GSDME: variants seen among roughly 807,000 people sequenced by gnomAD.
GSDME encodes the protein gasdermin E, also known as gasdermin-E.
Under a neutral mutation model 47.5 loss-of-function variants are expected in GSDME, and 44 were observed. The observed-to-expected ratio is 0.93, with a 90% CI of 0.73 to 1.19. The LOEUF is 1.19. Ranked by LOEUF, GSDME falls within the 50% of genes most tolerant of loss-of-function variation. The pLI is 0.00. For missense variants in GSDME, 663 were observed against 604.2 expected (o/e 1.10, Z -1.02); for synonymous variants, 258 against 252.8 (o/e 1.02, Z -0.20).
chr7:24,760,708 CATACATTGAT>C (rs1185192747), upstream of GSDME, among the ~76,000 whole-genome samples: 1 of 152,166 alleles, frequency 6.6e-6, no homozygotes, highest in African/African-American at 2.4e-5. This position sits in a 1 kb window ranked among gnomAD's most constrained non-coding sequence, Gnocchi z 4.2. Flanking sequence ...TAAAATTTGG[CATACATTGAT>C]ATATATTTTA....
At chr7:24,700,970 G>A (rs993374204) in intron 9 of GSDME, among the ~76,000 whole-genome samples, 5 of 152,196 alleles carry the variant, frequency 3.3e-5, no homozygotes, top group Non-Finnish European at 7.3e-5. Flanking sequence ...GACCCAGAGG[G>A]TGGTGGAGTG....
intron 3 of GSDME, among the ~76,000 whole-genome samples, chr7:24,734,132 C>A (rs1342167834): frequency 6.6e-6 from 1 of 152,192 alleles, no homozygotes; most frequent in Non-Finnish European, 1.5e-5. Flanking sequence ...AGAGTCTCTG[C>A]CTGTGATCCA....
rs774619185 is a variant in GSDME at position 24,699,134 on chromosome 7, T to A, written c.1383A>T (p.Arg461Ser). 3.1e-6 allele frequency: 5 copies of A among 1,614,086 alleles called. No homozygotes were observed. The highest frequency in any genetic ancestry group is 4.2e-6 in the Non-Finnish European group (5 of 1,179,976). ...LFASADISLE[R>S]LKSSVKAVIL... is the part of the protein sequence containing the mutation. The stretch of plus-strand genomic sequence containing the variant: ...TGACAGCTTTCACAGATGACTTCAG[T>A]CTCTCCAGACTAATGTCAGCTGAGG... The change falls in exon 10 of 10, where the codon AGA (arginine) becomes AGT (serine). Residue 461 changes from arginine (R) to serine (S), a missense_variant. By Grantham distance (110) the Arg-to-Ser change is moderately radical. Coordinates refer to ENST00000645220, the MANE Select transcript of GSDME (RefSeq NM_001127453.2).
the GSDME span, among the ~76,000 whole-genome samples, chr7:24,794,351 C>T: frequency 6.6e-6 from 1 of 151,246 alleles, no homozygotes; most frequent in Non-Finnish European, 1.5e-5. Flanking sequence ...CTCTGCCAGC[C>T]GCTTATGCTG....
At chr7:24,702,701 C>T (rs760045152) in intron 9 of GSDME, 59 bp downstream of exon 9, 21 of 1,416,138 alleles carry the variant, frequency 1.5e-5, no homozygotes, top group Middle Eastern at 3.5e-4. Flanking sequence ...TGGATGTCTA[C>T]CCCCTCATCA....
At position 24,712,779 on chromosome 7, in the gene GSDME, G is replaced by A. The variant is rs1789404989; in HGVS notation, c.698-2391C>T. Among the ~76,000 whole-genome samples, 1 of 152,226 alleles carries A rather than the reference G, an allele frequency of 6.6e-6. No homozygotes were observed. The highest frequency in any genetic ancestry group is 6.5e-5 in the Admixed American group (1 of 15,286). On this transcript the variant is annotated intron_variant, in intron 5 of 9. Transcript: ENST00000645220. The surrounding 1 kb of genome is among the most constrained non-coding windows in gnomAD (Gnocchi z 4.4). Reference sequence around the variant, plus strand: ...CACACCTATAATCCTAACACTTTGGGAGGTCGAGGCGGGCGGATCACCTGA... The same window carrying A: ...CACACCTATAATCCTAACACTTTGGAAGGTCGAGGCGGGCGGATCACCTGA...
Position 24,742,265 on chromosome 7 carries a change from G to A in GSDME, c.404+2297C>T, listed in dbSNP as rs1487018443. Among the ~76,000 whole-genome samples, 1 of 152,202 alleles carries A rather than the reference G, an allele frequency of 6.6e-6. No homozygotes were observed. Among genetic ancestry groups the A allele is most frequent in the Non-Finnish European group, 1.5e-5 (1 of 68,038 alleles). On this transcript the variant is annotated intron_variant, in intron 3 of 9. Transcript: ENST00000645220. The surrounding 1 kb of genome is among the most constrained non-coding windows in gnomAD (Gnocchi z 4.4). Reference sequence around the variant, plus strand: ...TTACATGATTTAGAGGAAAGAACAGGAGCTTTGGAGCCAGAAAATCCTGAG... The same window carrying A: ...TTACATGATTTAGAGGAAAGAACAGAAGCTTTGGAGCCAGAAAATCCTGAG...
At chr7:24,789,197 G>C in the GSDME span, among the ~76,000 whole-genome samples, 1 of 152,150 alleles carries the variant, frequency 6.6e-6, no homozygotes, top group Admixed American at 6.5e-5. Flanking sequence ...TGGGAAATGA[G>C]TTAATTATTC....
chr7:24,752,321 G>C (rs1479418355), intron 1 of GSDME, among the ~76,000 whole-genome samples: 1 of 152,196 alleles, frequency 6.6e-6, no homozygotes, highest in Non-Finnish European at 1.5e-5. Context: ...ACAAAGCTGG[G>C]GAGGCCCCCA....
Position 24,705,991 on chromosome 7 carries a change from A to G in GSDME, c.1183+193T>C, listed in dbSNP as rs1299815378. 3 of 698,486 alleles carry G rather than the reference A, an allele frequency of 4.3e-6. No individual in the cohort carries two copies. The highest frequency in any genetic ancestry group is 5.0e-6 in the Non-Finnish European group (2 of 403,950). 43.3% of individuals were successfully genotyped at this position (698,486 alleles called of 1,614,324 possible). A position where few individuals can be genotyped will look rare whatever the true frequency, so the allele number is the denominator to read the frequency against. On this transcript the variant is annotated intron_variant, in intron 8 of 9. Transcript: ENST00000645220. The surrounding 1 kb of genome is among the most constrained non-coding windows in gnomAD (Gnocchi z 4.1). ...AGTAGGGAGGCTTGTGCTGGATGGAAAGGCACAGACTCGAGACCGAAGGGG... is the reference window on the plus strand; with the variant it reads ...AGTAGGGAGGCTTGTGCTGGATGGAGAGGCACAGACTCGAGACCGAAGGGG...
At chr7:24,729,250 T>G (rs1318745858) in intron 3 of GSDME, among the ~76,000 whole-genome samples, 2 of 152,262 alleles carry the variant, frequency 1.3e-5, no homozygotes, top group Non-Finnish European at 2.9e-5. Context: ...CCAAGCTCTG[T>G]GCATAGAAGT....
chr7:24,701,640 C>T (rs970908425), intron 9 of GSDME, among the ~76,000 whole-genome samples: 1 of 152,206 alleles, frequency 6.6e-6, no homozygotes, highest in African/African-American at 2.4e-5. Context: ...TTTTGCTCAT[C>T]ATTGCATACA....
rs1471717644 is a variant in GSDME, at chr7:24,714,533, TGCCTCCTAG to T, written c.697+2712_697+2720del. On this transcript the variant is annotated intron_variant, in intron 5 of 9. Coordinates refer to ENST00000645220, the MANE Select transcript of GSDME (RefSeq NM_001127453.2). The surrounding 1 kb of genome is among the most constrained non-coding windows in gnomAD (Gnocchi z 5.0). The stretch of plus-strand genomic sequence containing the variant: ...CCACCATAGGAAGGAGCCACGGAGC[TGCCTCCTAG>T]GCCAGGATCCAGAACGAGCCAAGGG... 1.3e-5 allele frequency among the ~76,000 whole-genome samples: 2 copies of T among 152,082 alleles called. No individual in the cohort carries two copies. The highest frequency in any genetic ancestry group is 2.9e-5 in the Non-Finnish European group (2 of 68,008).
chr7:24,788,439 C>T, the GSDME span, among the ~76,000 whole-genome samples: 2 of 152,194 alleles, frequency 1.3e-5, no homozygotes, highest in East Asian at 1.9e-4. This position sits in a 1 kb window ranked among gnomAD's most constrained non-coding sequence, Gnocchi z 4.6. Flanking sequence ...CCACTTCCCA[C>T]TGTTGCTAAT....
At chr7:24,709,788 A>G (rs1429828541) in intron 6 of GSDME, among the ~76,000 whole-genome samples, 1 of 152,208 alleles carries the variant, frequency 6.6e-6, no homozygotes, top group African/African-American at 2.4e-5. Context: ...AGCCTCCAAG[A>G]GAGCATTTTG....
At chr7:24,773,824 C>A in the GSDME span, among the ~76,000 whole-genome samples, 1 of 152,140 alleles carries the variant, frequency 6.6e-6, no homozygotes, top group East Asian at 1.9e-4. The surrounding 1 kb of genome is among the most constrained non-coding windows in gnomAD (Gnocchi z 5.4). Context: ...AGTTCTTGAC[C>A]CCTCCTTCCT....
chr7:24,736,694 A>AATGTT lies in GSDME; in HGVS notation c.404+7867_404+7868insAACAT, dbSNP rs1261527518. Among the ~76,000 whole-genome samples the AATGTT allele has an allele frequency of 6.6e-6, 1 of 152,190 alleles. No homozygotes were observed. Among genetic ancestry groups the AATGTT allele is most frequent in the African/African-American group, 2.4e-5 (1 of 41,448 alleles). On this transcript the variant is annotated intron_variant, in intron 3 of 9. Coordinates refer to ENST00000645220, the MANE Select transcript of GSDME (RefSeq NM_001127453.2). This position sits in a 1 kb window ranked among gnomAD's most constrained non-coding sequence, Gnocchi z 4.6. ...AGATATATACAGAACATTTCATCCA[A>AATGTT]CAACTGAAGAATACACATTCTTTTC...
the GSDME span, among the ~76,000 whole-genome samples, chr7:24,794,299 C>CCTCTCTCT: frequency 0.14 from 20,573 of 148,286 alleles, 3,269 homozygotes; most frequent in African/African-American, 0.39. Context: ...CTCTTTCTCT[C>CCTCTCTCT]CTCTCTCTCT....
At chr7:24,699,283 T>C (rs374160325) in intron 9 of GSDME, 24 bp from the exon 10 acceptor site, 1 of 1,544,348 alleles carries the variant, frequency 6.5e-7, no homozygotes, top group African/African-American at 1.4e-5. Flanking sequence ...TTTAAACAAA[T>C]TCACTTTTAA....
Sources: gnomAD v4.1 joint callset for allele counts (sites outside exome capture counted in the v4.1 genomes callset) on GRCh38, gnomAD v4.1.1 for gene constraint, Gnocchi (gnomAD v3.1) non-coding constraint, MANE v1.5 for transcripts, NCBI Gene and HGNC (gene_info 2026-07-23, HGNC 2026-07-21) for gene names.